The following B3GALT1 variants were observed in gnomAD, a reference collection of about 807,000 sequenced individuals.
The protein encoded by B3GALT1 is beta-1,3-galactosyltransferase 1, also known as UDP-Gal:betaGlcNAc beta 1,3-galactosyltransferase, polypeptide 1.
B3GALT1 carries 10 observed loss-of-function variants against 23.2 expected under a neutral mutation model. The ratio of observed to expected loss-of-function variants is 0.43; its 90% CI spans 0.27 to 0.73. The LOEUF (loss-of-function observed/expected upper bound fraction) is 0.73, where lower values mean the gene tolerates loss of function less well. Among genes scored for constraint, B3GALT1 ranks in the 30% least tolerant of loss-of-function variants. B3GALT1 has a pLI of 0.21. For synonymous variants in B3GALT1, 156 were observed against 141.5 expected (o/e 1.10, Z -0.73); for missense variants, 299 against 405.4 (o/e 0.74, Z 2.25).
At chr2:167,727,972 T>G (rs943394883) in intron 3 of B3GALT1, among the ~76,000 whole-genome samples, 3 of 152,224 alleles carry the variant, frequency 2.0e-5, no homozygotes, top group African/African-American at 7.2e-5. Flanking sequence ...CACACTAGCT[T>G]CTTCTGGTTT....
At chr2:167,354,060 C>T (rs1419593130) in intron 1 of B3GALT1, among the ~76,000 whole-genome samples, 9 of 152,130 alleles carry the variant, frequency 5.9e-5, no homozygotes, top group Non-Finnish European at 1.3e-4. Flanking sequence ...GACTCACCTG[C>T]GGGATGCAGT....
intron 1 of B3GALT1, among the ~76,000 whole-genome samples, chr2:167,468,908 TACTC>T (rs1465641099): frequency 6.6e-6 from 1 of 152,118 alleles, no homozygotes; most frequent in South Asian, 2.1e-4. Flanking sequence ...ACTTAAAACT[TACTC>T]CATAAAATCA....
At chr2:167,828,235 G>GAAAC (rs1423207099) in intron 4 of B3GALT1, among the ~76,000 whole-genome samples, 1 of 152,150 alleles carries the variant, frequency 6.6e-6, no homozygotes, top group Non-Finnish European at 1.5e-5. Context: ...CCTATAATGT[G>GAAAC]AAACAGTCAA....
At chr2:167,605,545 C>T (rs1171244378) in intron 2 of B3GALT1, among the ~76,000 whole-genome samples, 1 of 152,124 alleles carries the variant, frequency 6.6e-6, no homozygotes, top group Non-Finnish European at 1.5e-5. Context: ...GTGGGTTTCA[C>T]ATGGCTTGAT....
chr2:167,660,886 A>G (rs1182917157), intron 3 of B3GALT1, among the ~76,000 whole-genome samples: 2 of 152,162 alleles, frequency 1.3e-5, no homozygotes, highest in Non-Finnish European at 2.9e-5. Context: ...CTGAAAATCA[A>G]TAGAATAAAG....
At chr2:167,492,903 A>G (rs1699730977) in intron 2 of B3GALT1, among the ~76,000 whole-genome samples, 1 of 124,980 alleles carries the variant, frequency 8.0e-6, no homozygotes, top group Non-Finnish European at 1.7e-5. Context: ...GTGTGTGTGT[A>G]CCTAGTATTC....
chr2:167,452,207 C>T (rs1486014513), intron 1 of B3GALT1, among the ~76,000 whole-genome samples: 1 of 152,154 alleles, frequency 6.6e-6, no homozygotes, highest in African/African-American at 2.4e-5. Context: ...CCCTCAACTT[C>T]TGTCTTGAAA....
At chr2:167,365,625 CGT>C (rs1291309237) in intron 1 of B3GALT1, among the ~76,000 whole-genome samples, 1 of 150,332 alleles carries the variant, frequency 6.7e-6, no homozygotes, top group East Asian at 2.0e-4. Context: ...CACACACACA[CGT>C]GCATGCAAAA....
At chr2:167,635,826 C>G (rs1685542636) in intron 2 of B3GALT1, among the ~76,000 whole-genome samples, 1 of 152,060 alleles carries the variant, frequency 6.6e-6, no homozygotes, top group Non-Finnish European at 1.5e-5. Flanking sequence ...ACTTTCTTCA[C>G]AGAATTAGAA....
Position 167,781,969 on chromosome 2 carries a change from C to T in B3GALT1, c.-351-36703C>T, listed in dbSNP as rs180670873. ...TGTTGGTCAGGCTCGTCTCGAACTC[C>T]TGAGCTCAAGCGATCTGCCCGCCTC... On this transcript the variant is annotated intron_variant, in intron 3 of 4. Coordinates refer to ENST00000392690, the MANE Select transcript of B3GALT1 (RefSeq NM_020981.4). 5.7e-3 allele frequency among the ~76,000 whole-genome samples: 875 copies of T among 152,244 alleles called. 8 individuals are homozygous for T. Among genetic ancestry groups the T allele is most frequent in the African/African-American group, 0.02 (831 of 41,536 alleles).
chr2:167,541,699 T>C (rs1047328561), intron 2 of B3GALT1, among the ~76,000 whole-genome samples: 1 of 152,142 alleles, frequency 6.6e-6, no homozygotes, highest in Non-Finnish European at 1.5e-5. Context: ...TTTTATATTT[T>C]TATGCTGATT....
intron 2 of B3GALT1, among the ~76,000 whole-genome samples, chr2:167,630,820 C>A (rs1171182292): frequency 6.6e-6 from 1 of 151,590 alleles, no homozygotes; most frequent in African/African-American, 2.4e-5. Context: ...GAACAGATTC[C>A]AAGAAATACT....
At chr2:167,378,689 TA>T (rs1697799125) in intron 1 of B3GALT1, among the ~76,000 whole-genome samples, 1 of 152,092 alleles carries the variant, frequency 6.6e-6, no homozygotes, top group Non-Finnish European at 1.5e-5. Context: ...TGATTTCTTT[TA>T]AAGATATCTA....
chr2:167,565,661 G>GA (rs1041843065), intron 2 of B3GALT1, among the ~76,000 whole-genome samples: 19 of 152,096 alleles, frequency 1.2e-4, no homozygotes, highest in Admixed American at 2.6e-4. Context: ...AAATTTACAA[G>GA]AAAAAAACAA....
At chr2:167,462,385 C>A (rs1027679665) in intron 1 of B3GALT1, among the ~76,000 whole-genome samples, 1 of 152,148 alleles carries the variant, frequency 6.6e-6, no homozygotes, top group African/African-American at 2.4e-5. Flanking sequence ...CCTCATGGTC[C>A]TTACTGCTGA....
At chr2:167,591,276 G>C (rs6433003) in intron 2 of B3GALT1, among the ~76,000 whole-genome samples, 5,570 of 151,834 alleles carry the variant, frequency 0.037, 368 homozygotes, top group African/African-American at 0.13. Context: ...TCATGATCTG[G>C]GGGCATGCCA....
At chr2:167,451,344 G>A (rs1391548546) in intron 1 of B3GALT1, among the ~76,000 whole-genome samples, 2 of 152,118 alleles carry the variant, frequency 1.3e-5, no homozygotes, top group Admixed American at 1.3e-4. Context: ...GGAAGGTCTA[G>A]GGCTCAAGGC....
intron 1 of B3GALT1, among the ~76,000 whole-genome samples, chr2:167,444,516 A>C (rs2105315493): frequency 6.6e-6 from 1 of 152,256 alleles, no homozygotes; most frequent in Non-Finnish European, 1.5e-5. Context: ...TTTGGTTGGT[A>C]GACTATTAAT....
intron 1 of B3GALT1, among the ~76,000 whole-genome samples, chr2:167,379,370 A>C (rs1260974825): frequency 2.6e-5 from 4 of 152,246 alleles, no homozygotes; most frequent in African/African-American, 7.2e-5. Context: ...TGGGGATACA[A>C]AGCCTAACCA....
Sources: gnomAD v4.1 joint callset for allele counts (sites outside exome capture counted in the v4.1 genomes callset) on GRCh38, gnomAD v4.1.1 for gene constraint, MANE v1.5 for transcripts, NCBI Gene and HGNC (gene_info 2026-07-23, HGNC 2026-07-21) for gene names.